Variants in KDM2B observed in about 807,000 individuals in gnomAD.
The protein encoded by KDM2B is lysine demethylase 2B.
KDM2B carries 26 observed loss-of-function variants against 150.0 expected under a neutral mutation model. That is an observed-to-expected ratio of 0.17 (90% CI 0.13 to 0.24). KDM2B has a LOEUF of 0.24. Ranked by LOEUF, KDM2B falls within the 10% of genes least tolerant of loss-of-function variation. The pLI is 1.00. For missense variants in KDM2B, 1,265 were observed against 1,816.9 expected, an observed-to-expected ratio of 0.70 and a Z score of 5.52; for synonymous variants, 734 against 729.5, an observed-to-expected ratio of 1.01 and a Z score of -0.10.
At chr12:121,489,660 G>A (rs564511887) in intron 12 of KDM2B, among the ~76,000 whole-genome samples, 70 of 152,060 alleles carry the variant, frequency 4.6e-4, no homozygotes, top group African/African-American at 1.3e-3. Context: ...GGCTGGTCTC[G>A]AACTCCTGGC....
Position 121,509,745 on chromosome 12 carries a change from T to C in KDM2B, c.1469A>G (p.Tyr490Cys), listed in dbSNP as rs1555303566. The C allele has an allele frequency of 6.2e-7, 1 of 1,614,056 alleles. No homozygotes were observed. The highest frequency in any genetic ancestry group is 8.5e-7 in the Non-Finnish European group (1 of 1,180,034). The change falls in exon 11 of 23, where the codon TAC becomes TGC. Residue 490 changes from tyrosine (Y) to cysteine (C), a missense_variant. By Grantham distance (194) the Tyr-to-Cys change is radical. Transcript: ENST00000377071. ...SVKSTTLAVDYPKTPTGSPAT... is the reference protein window; with the variant it reads ...SVKSTTLAVDCPKTPTGSPAT... ...GGGAGAGCCGGTGGGGGTCTTGGGG[T>C]AGTCTACGGCCAATGTGGTGGACTT...
intron 22 of KDM2B, among the ~76,000 whole-genome samples, chr12:121,435,950 A>T (rs564310440): frequency 6.6e-6 from 1 of 152,296 alleles, no homozygotes; most frequent in South Asian, 2.1e-4. Context: ...TCAGCATTCA[A>T]GCTGAGGAGG....
intron 4 of KDM2B, among the ~76,000 whole-genome samples, chr12:121,553,815 G>A (rs1225224848): frequency 6.6e-6 from 1 of 152,082 alleles, no homozygotes. Context: ...ATGCAAATGG[G>A]TGTGGGGTTC....
At chr12:121,544,994 G>A (rs1888911337) in intron 6 of KDM2B, among the ~76,000 whole-genome samples, 1 of 150,548 alleles carries the variant, frequency 6.6e-6, no homozygotes, top group South Asian at 2.2e-4. Flanking sequence ...AAGCAGTCGT[G>A]TGTCTGTGTC....
rs1886707554 is a variant in KDM2B at position 121,521,779 on chromosome 12, C to G, written c.932-679G>C. 6.6e-6 allele frequency among the ~76,000 whole-genome samples: 1 copy of G among 152,122 alleles called. No homozygotes were observed. Among genetic ancestry groups the G allele is most frequent in the Non-Finnish European group, 1.5e-5 (1 of 68,026 alleles). The stretch of plus-strand genomic sequence containing the variant: ...CGCAGTTTTTCATCTCTCCAAACTC[C>G]TAGCCTGGAGCCAGACACAGTCACC... On this transcript the variant is annotated intron_variant, in intron 8 of 22. Transcript: ENST00000377071. This position sits in a 1 kb window ranked among gnomAD's most constrained non-coding sequence, Gnocchi z 4.9.
chr12:121,511,222 T>C (rs1885558310), intron 10 of KDM2B, among the ~76,000 whole-genome samples: 1 of 150,648 alleles, frequency 6.6e-6, no homozygotes, highest in Non-Finnish European at 1.5e-5. Context: ...GTTGGTCAGG[T>C]TGGTCTCGAA....
intron 11 of KDM2B, among the ~76,000 whole-genome samples, chr12:121,497,629 C>A (rs1436900926): frequency 2.0e-5 from 3 of 151,604 alleles, no homozygotes; most frequent in Non-Finnish European, 4.4e-5. Flanking sequence ...AAAATAAAGC[C>A]ACAAATACTA....
chr12:121,447,948 C>T (rs1002170894), intron 13 of KDM2B, among the ~76,000 whole-genome samples: 4 of 152,048 alleles, frequency 2.6e-5, no homozygotes, highest in African/African-American at 7.2e-5. Flanking sequence ...TTAGCCACCG[C>T]GCCCGGCCAA....
At position 121,430,763 on chromosome 12, in the gene KDM2B, A is replaced by T; in HGVS notation, c.3830-294T>A. 1 of 555,586 alleles carries T rather than the reference A, an allele frequency of 1.8e-6. No individual in the cohort carries two copies. Among genetic ancestry groups the T allele is most frequent in the South Asian group, 2.7e-5 (1 of 36,728 alleles). 34.4% of individuals were successfully genotyped at this position (555,586 alleles called of 1,614,324 possible). On this transcript the variant is annotated intron_variant, in intron 22 of 22. Coordinates refer to ENST00000377071, the MANE Select transcript of KDM2B (RefSeq NM_032590.5). The surrounding 1 kb of genome is among the most constrained non-coding windows in gnomAD (Gnocchi z 4.4). Reference sequence around the variant, plus strand: ...CTCTATACGTGCGTATGCTCATGTAAGTAGTTCTATGTGCTTTTACAATGA... The same window carrying T: ...CTCTATACGTGCGTATGCTCATGTATGTAGTTCTATGTGCTTTTACAATGA...
intron 22 of KDM2B, among the ~76,000 whole-genome samples, chr12:121,438,690 G>A (rs1184679341): frequency 5.3e-5 from 8 of 152,156 alleles, no homozygotes; most frequent in Non-Finnish European, 1.0e-4. Flanking sequence ...CCCCTGCTAT[G>A]AGGCATGGTT....
chr12:121,514,048 C>T (rs1885821480), intron 9 of KDM2B, among the ~76,000 whole-genome samples: 1 of 152,126 alleles, frequency 6.6e-6, no homozygotes. Context: ...CACAAGGGCT[C>T]CCTCTGACAG....
rs1874945126 is a variant in KDM2B, at chr12:121,441,107, G to T, written c.3411C>A (p.Ser1137=). 6.2e-7 allele frequency: 1 copy of T among 1,614,206 alleles called. No individual in the cohort carries two copies. Among genetic ancestry groups the T allele is most frequent in the Middle Eastern group, 1.6e-4 (1 of 6,062 alleles). ...VSLDLSWTNI[S]KKQLSWLINR... ...TGATGAGCCAGCTCAGCTGCTTCTT[G>T]GAGATATTGGTCCAGCTGAGGTCGA... Residue 1137 remains serine, a synonymous_variant, in exon 20 of 23, where the codon TCC becomes TCA. Transcript: ENST00000377071.
chr12:121,565,191 T>C (rs1332207521), intron 4 of KDM2B, among the ~76,000 whole-genome samples: 1 of 151,832 alleles, frequency 6.6e-6, no homozygotes, highest in East Asian at 1.9e-4. Flanking sequence ...GTGAGTCCTA[T>C]CATAAAGCTA....
At chr12:121,534,759 G>C in intron 6 of KDM2B, 169 bp from the exon 7 acceptor site, 7 of 580,608 alleles carry the variant, frequency 1.2e-5, no homozygotes, top group Non-Finnish European at 2.1e-5. Flanking sequence ...TCCCCACGGG[G>C]GAAGCCCCTG....
chr12:121,580,251 G>T, intron 1 of KDM2B: 3 of 1,230,180 alleles, frequency 2.4e-6, no homozygotes, highest in Non-Finnish European at 3.0e-6. Context: ...TTCAGCAGTT[G>T]TGGGGGGGGG....
chr12:121,550,366 A>T (rs1165119321), intron 4 of KDM2B, among the ~76,000 whole-genome samples: 1 of 152,076 alleles, frequency 6.6e-6, no homozygotes, highest in Non-Finnish European at 1.5e-5. Flanking sequence ...AGAAAATCCC[A>T]AGAAGCCAGT....
At chr12:121,446,353 ATG>A (rs1265404132) in intron 13 of KDM2B, among the ~76,000 whole-genome samples, 2 of 152,196 alleles carry the variant, frequency 1.3e-5, no homozygotes, top group Non-Finnish European at 2.9e-5. Context: ...AGCCGAGACC[ATG>A]CCACTGCACT....
chr12:121,580,268 T>A, intron 1 of KDM2B: 1 of 1,157,734 alleles, frequency 8.6e-7, no homozygotes, highest in African/African-American at 1.8e-5. Context: ...GGGGGAGGCG[T>A]CGACGTCATA....
intron 4 of KDM2B, among the ~76,000 whole-genome samples, chr12:121,569,127 C>T (rs1334813343): frequency 4.6e-5 from 7 of 152,252 alleles, no homozygotes; most frequent in African/African-American, 1.7e-4. Flanking sequence ...CCACACACTG[C>T]CCTCCAAAGC....
Sources: gnomAD v4.1 joint callset for allele counts (sites outside exome capture counted in the v4.1 genomes callset) on GRCh38, gnomAD v4.1.1 for gene constraint, Gnocchi (gnomAD v3.1) non-coding constraint, MANE v1.5 for transcripts, NCBI Gene and HGNC (gene_info 2026-07-23, HGNC 2026-07-21) for gene names.